The following LPP variants were observed in gnomAD, a reference collection of about 807,000 sequenced individuals.
LPP encodes LIM domain containing preferred translocation partner in lipoma, also known as lipoma-preferred partner.
Under a neutral mutation model 60.4 loss-of-function variants are expected in LPP, and 38 were observed. That is an observed-to-expected ratio of 0.63 (90% CI 0.49 to 0.83). The LOEUF is 0.83. LPP is among the 40% of genes least tolerant of loss of function. The pLI is 0.00. For missense variants in LPP, 902 were observed against 783.6 expected, an observed-to-expected ratio of 1.15 and a Z score of -1.80; for synonymous variants, 328 against 290.8, an observed-to-expected ratio of 1.13 and a Z score of -1.30.
chr3:188,162,365 C>T (rs1395008917), intron 1 of LPP, among the ~76,000 whole-genome samples: 3 of 152,136 alleles, frequency 2.0e-5, no homozygotes, highest in African/African-American at 4.8e-5. Flanking sequence ...CTGTCTTGTT[C>T]CTTAACTTTT....
At position 188,609,150 on chromosome 3, in the gene LPP, A is replaced by G. The variant is rs780854459; in HGVS notation, c.430-11A>G. On this transcript the variant is annotated splice_polypyrimidine_tract_variant and intron_variant, in intron 6 of 11. Transcript: ENST00000617246. The surrounding 1 kb of genome is among the most constrained non-coding windows in gnomAD (Gnocchi z 6.9). ...GCTTTCTTTCTTTCTTTTTTTTCCT[A>G]TTCTTTTTAGAGCTCCACTGGTTCA... 29 of 1,532,090 alleles carry G rather than the reference A, an allele frequency of 1.9e-5. No homozygotes were observed. Among genetic ancestry groups the G allele is most frequent in the Admixed American group, 1.1e-4 (5 of 46,034 alleles). 94.9% of individuals were successfully genotyped at this position (1,532,090 alleles called of 1,614,324 possible).
intron 2 of LPP, among the ~76,000 whole-genome samples, chr3:188,319,331 A>G (rs1033275383): frequency 3.9e-5 from 6 of 152,216 alleles, no homozygotes; most frequent in Non-Finnish European, 7.3e-5. Context: ...ATTTTCAACA[A>G]TTAGCAAAAA....
chr3:188,362,450 A>G (rs939938387), intron 3 of LPP, among the ~76,000 whole-genome samples: 6 of 151,948 alleles, frequency 3.9e-5, no homozygotes. Flanking sequence ...TCTCTCCTAC[A>G]CCGTTGCCTT....
chr3:188,744,642 T>C (rs1725538645), intron 8 of LPP, among the ~76,000 whole-genome samples: 1 of 152,098 alleles, frequency 6.6e-6, no homozygotes, highest in South Asian at 2.1e-4. Context: ...AAAACATTAT[T>C]TTCTACTCCC....
At chr3:188,206,065 C>T (rs753094709) in intron 1 of LPP, among the ~76,000 whole-genome samples, 1 of 152,186 alleles carries the variant, frequency 6.6e-6, no homozygotes, top group Non-Finnish European at 1.5e-5. Context: ...TGGCTTAGCA[C>T]GAGTCACGAG....
chr3:188,660,938 C>T (rs918296316), intron 7 of LPP, among the ~76,000 whole-genome samples: 10 of 152,094 alleles, frequency 6.6e-5, no homozygotes, highest in Non-Finnish European at 1.0e-4. Flanking sequence ...ATTTATTTCC[C>T]GTCATAGAAT....
chr3:188,717,188 T>G (rs923158334), intron 8 of LPP, among the ~76,000 whole-genome samples: 10 of 152,232 alleles, frequency 6.6e-5, no homozygotes, highest in African/African-American at 2.4e-4. Flanking sequence ...TTAAATTCTT[T>G]TCACTTTTCA....
Position 188,522,207 on chromosome 3 carries a change from C to T in LPP, c.307-2458C>T, listed in dbSNP as rs548158945. 2.6e-5 allele frequency among the ~76,000 whole-genome samples: 4 copies of T among 152,254 alleles called. No homozygotes were observed. The East Asian group carries it at 7.7e-4, about 29-fold the overall frequency. On this transcript the variant is annotated intron_variant, in intron 5 of 11. Transcript: ENST00000617246. ...GACTCAGAAAAGTCTAAATTTCAAC[C>T]AACCTGTCATGTCACTCTTTTTCTA...
chr3:188,509,268 G>A (rs1246143336), intron 5 of LPP, among the ~76,000 whole-genome samples: 1 of 152,078 alleles, frequency 6.6e-6, no homozygotes, highest in Non-Finnish European at 1.5e-5. Flanking sequence ...GCATTCTAGT[G>A]GACACATGAT....
intron 2 of LPP, among the ~76,000 whole-genome samples, chr3:188,249,841 C>G (rs1172840722): frequency 7.4e-6 from 1 of 135,762 alleles, no homozygotes; most frequent in Non-Finnish European, 1.5e-5. Context: ...CACACACACA[C>G]ACACACACAC....
chr3:188,611,788 G>T (rs913407026), intron 7 of LPP, among the ~76,000 whole-genome samples: 39 of 152,318 alleles, frequency 2.6e-4, no homozygotes, highest in African/African-American at 9.4e-4. Context: ...TTCAGATGTT[G>T]TTTTCTCACT....
At chr3:188,863,223 A>C (rs536405345) in intron 9 of LPP, among the ~76,000 whole-genome samples, 1 of 152,360 alleles carries the variant, frequency 6.6e-6, no homozygotes, top group East Asian at 1.9e-4. Flanking sequence ...AGTTTGAATT[A>C]ATCATTTTTC....
chr3:188,185,490 ACT>A (rs1726328300), intron 1 of LPP, among the ~76,000 whole-genome samples: 1 of 151,502 alleles, frequency 6.6e-6, no homozygotes, highest in Non-Finnish European at 1.5e-5. Flanking sequence ...AGAGTGGATA[ACT>A]CTCTTTTCCC....
At chr3:188,444,691 A>T (rs1794804790) in intron 4 of LPP, among the ~76,000 whole-genome samples, 1 of 152,238 alleles carries the variant, frequency 6.6e-6, no homozygotes. Flanking sequence ...ATCAGAGTGA[A>T]CAGGCAGCCT....
intron 2 of LPP, among the ~76,000 whole-genome samples, chr3:188,331,400 G>T (rs1760038047): frequency 6.6e-6 from 1 of 152,136 alleles, no homozygotes; most frequent in South Asian, 2.1e-4. Context: ...GCAGCTCTTT[G>T]CAAGGCAATT....
At chr3:188,760,046 T>C in intron 8 of LPP, 67 bp from the exon 9 acceptor site, 2 of 1,439,384 alleles carry the variant, frequency 1.4e-6, no homozygotes, top group Non-Finnish European at 1.9e-6. Flanking sequence ...TGCTTTCTCC[T>C]CCACTTTGGC....
At chr3:188,438,741 C>T (rs139163807) in intron 4 of LPP, among the ~76,000 whole-genome samples, 8 of 152,238 alleles carry the variant, frequency 5.3e-5, no homozygotes, top group Non-Finnish European at 8.8e-5. Flanking sequence ...GTCACTATAA[C>T]GTAAAAACCA....
chr3:188,205,241 T>G (rs949926450), intron 1 of LPP, among the ~76,000 whole-genome samples: 54 of 151,936 alleles, frequency 3.6e-4, no homozygotes, highest in Admixed American at 3.3e-3. Flanking sequence ...GCTTATAACT[T>G]GCTTGAGAGA....
intron 8 of LPP, among the ~76,000 whole-genome samples, chr3:188,731,813 C>T (rs758705617): frequency 6.6e-6 from 1 of 152,130 alleles, no homozygotes; most frequent in Non-Finnish European, 1.5e-5. Context: ...TGAGCCACCG[C>T]GCCTGGCCTG....
Sources: allele counts gnomAD v4.1 joint callset (sites outside exome capture counted in the v4.1 genomes callset), GRCh38; gene constraint gnomAD v4.1.1; non-coding constraint Gnocchi (gnomAD v3.1); transcripts MANE v1.5; gene names NCBI Gene and HGNC (gene_info 2026-07-23, HGNC 2026-07-21).